Variants in CCDC148 observed in about 807,000 individuals in gnomAD.
The protein encoded by CCDC148 is coiled-coil domain-containing protein 148.
CCDC148 carries 89 observed loss-of-function variants against 85.7 expected under a neutral mutation model. That is an observed-to-expected ratio of 1.04 (90% CI 0.87 to 1.24). CCDC148 has a LOEUF of 1.24. CCDC148 is among the 50% of genes most tolerant of loss of function. The pLI is 0.00. For missense variants in CCDC148, 692 were observed against 671.7 expected, an observed-to-expected ratio of 1.03 and a Z score of -0.33; for synonymous variants, 230 against 213.9, an observed-to-expected ratio of 1.08 and a Z score of -0.66.
chr2:158,339,690 G>C (rs1202137582), intron 5 of CCDC148, among the ~76,000 whole-genome samples: 1 of 152,006 alleles, frequency 6.6e-6, no homozygotes, highest in Non-Finnish European at 1.5e-5. Context: ...TCAGACAAGA[G>C]GACATTTGAG....
At chr2:158,452,560 A>G (rs1418222018) in intron 1 of CCDC148, among the ~76,000 whole-genome samples, 1 of 152,192 alleles carries the variant, frequency 6.6e-6, no homozygotes, top group Non-Finnish European at 1.5e-5. Context: ...TGGTCCCTTC[A>G]ATAGGAACCC....
chr2:158,399,647 G>T (rs370611570), intron 1 of CCDC148, among the ~76,000 whole-genome samples: 1 of 152,188 alleles, frequency 6.6e-6, no homozygotes, highest in East Asian at 1.9e-4. Flanking sequence ...AGCTATTTAT[G>T]ACAAACCCAC....
chr2:158,255,624 G>T (rs574189870), intron 9 of CCDC148, among the ~76,000 whole-genome samples: 1 of 151,870 alleles, frequency 6.6e-6, no homozygotes, highest in South Asian at 2.1e-4. Context: ...CTAAAGCACA[G>T]AAGACTCTGA....
chr2:158,437,946 T>G (rs562344279), intron 1 of CCDC148, among the ~76,000 whole-genome samples: 2 of 152,126 alleles, frequency 1.3e-5, no homozygotes, highest in Admixed American at 6.5e-5. Flanking sequence ...CAAGGAGAAC[T>G]ACAAACCACT....
Position 158,456,728 on chromosome 2 carries a change from T to G in CCDC148, c.-289A>C, listed in dbSNP as rs1302507034. On this transcript the variant is annotated 5_prime_UTR_variant, in exon 1 of 14. Coordinates refer to ENST00000283233, the MANE Select transcript of CCDC148 (RefSeq NM_138803.4). ...TCACACCCACCCTCTCCAGGCCCTC[T>G]CGCGCTGAACAGCATCGGTCTCTAT... 2.1e-6 allele frequency: 1 copy of G among 473,446 alleles called. No individual in the cohort carries two copies. Among genetic ancestry groups the G allele is most frequent in the East Asian group, 3.9e-5 (1 of 25,822 alleles). 29.3% of individuals were successfully genotyped at this position (473,446 alleles called of 1,614,324 possible). A position where few individuals can be genotyped will look rare whatever the true frequency, so the allele number is the denominator to read the frequency against.
intron 1 of CCDC148, among the ~76,000 whole-genome samples, chr2:158,433,094 A>ATATATATATATC (rs1553521589): frequency 2.5e-5 from 3 of 119,448 alleles, no homozygotes; most frequent in African/African-American, 9.1e-5. Flanking sequence ...AAAAAAAAAT[A>ATATATATATATC]TATATATATA....
At chr2:158,316,396 C>G (rs1692284332) in intron 7 of CCDC148, among the ~76,000 whole-genome samples, 1 of 152,172 alleles carries the variant, frequency 6.6e-6, no homozygotes, top group Non-Finnish European at 1.5e-5. Context: ...ACCACTTAAA[C>G]ATATGAAATG....
intron 10 of CCDC148, among the ~76,000 whole-genome samples, chr2:158,247,489 A>G (rs1688614214): frequency 6.6e-6 from 1 of 152,254 alleles, no homozygotes; most frequent in East Asian, 1.9e-4. Context: ...TACGAACAAA[A>G]CTTTGGAAAC....
chr2:158,204,236 G>A (rs1305508949), intron 11 of CCDC148, among the ~76,000 whole-genome samples: 1 of 152,166 alleles, frequency 6.6e-6, no homozygotes, highest in East Asian at 1.9e-4. Flanking sequence ...TACAAAATGA[G>A]CGTTAAGACT....
chr2:158,223,811 C>G lies in CCDC148; in HGVS notation c.1252-3098G>C, dbSNP rs1422334400. On this transcript the variant is annotated intron_variant, in intron 10 of 13. Transcript: ENST00000283233. ...ACAGAAAAGACATCCAAAGCAAAAC[C>G]CCATCTGTATGTCACCATCATCAAA... 4.6e-5 allele frequency among the ~76,000 whole-genome samples: 7 copies of G among 152,202 alleles called. No homozygotes were observed. In the East Asian group the frequency reaches 1.2e-3, roughly 25 times the overall value.
At chr2:158,456,358 G>T in intron 1 of CCDC148, 57 bp downstream of exon 1, 2 of 1,561,156 alleles carry the variant, frequency 1.3e-6, no homozygotes, top group Non-Finnish European at 1.8e-6. Flanking sequence ...GTAGGATTTA[G>T]GTGGCTCAGT....
intron 10 of CCDC148, among the ~76,000 whole-genome samples, chr2:158,223,762 G>C (rs10203269): frequency 0.15 from 22,839 of 152,224 alleles, 2,177 homozygotes; most frequent in Middle Eastern, 0.21. Context: ...TGAGGGTGCT[G>C]ACTGTTAGAA....
intron 2 of CCDC148, among the ~76,000 whole-genome samples, chr2:158,351,173 G>T (rs1007854996): frequency 1.3e-5 from 2 of 152,146 alleles, no homozygotes; most frequent in Non-Finnish European, 2.9e-5. Context: ...GATAAACACT[G>T]ACTCCTCTCC....
At chr2:158,223,069 C>G (rs150623975) in intron 10 of CCDC148, among the ~76,000 whole-genome samples, 332 of 152,186 alleles carry the variant, frequency 2.2e-3, no homozygotes, top group Non-Finnish European at 3.9e-3. Flanking sequence ...CTTTCCTAGT[C>G]AAAGAAAGGG....
intron 7 of CCDC148, among the ~76,000 whole-genome samples, chr2:158,333,253 T>C (rs1693242132): frequency 6.6e-6 from 1 of 152,210 alleles, no homozygotes; most frequent in Non-Finnish European, 1.5e-5. Flanking sequence ...AGAACTTATT[T>C]ATTTCTGCCT....
intron 2 of CCDC148, among the ~76,000 whole-genome samples, chr2:158,352,252 A>G (rs1683350948): frequency 2.0e-5 from 3 of 150,872 alleles, no homozygotes; most frequent in Admixed American, 2.0e-4. Context: ...CTGAGAGAAG[A>G]AGGCTTCAGA....
At chr2:158,267,363 A>G (rs1689512626) in intron 9 of CCDC148, among the ~76,000 whole-genome samples, 1 of 152,198 alleles carries the variant, frequency 6.6e-6, no homozygotes, top group African/African-American at 2.4e-5. Flanking sequence ...ATGCCTTCCC[A>G]GACCCAGGAC....
At chr2:158,404,701 A>G (rs1303206009) in intron 1 of CCDC148, among the ~76,000 whole-genome samples, 1 of 152,176 alleles carries the variant, frequency 6.6e-6, no homozygotes, top group Non-Finnish European at 1.5e-5. Flanking sequence ...AAAATATGAA[A>G]AAAATAGCTC....
At chr2:158,172,818 C>T (rs16842681) in intron 13 of CCDC148, among the ~76,000 whole-genome samples, 16,237 of 152,064 alleles carry the variant, frequency 0.11, 924 homozygotes, top group Middle Eastern at 0.13. Flanking sequence ...AGTAGTTCAA[C>T]TTCTGTTTTC....
Sources: gnomAD v4.1 joint callset for allele counts (sites outside exome capture counted in the v4.1 genomes callset) on GRCh38, gnomAD v4.1.1 for gene constraint, MANE v1.5 for transcripts, NCBI Gene and HGNC (gene_info 2026-07-23, HGNC 2026-07-21) for gene names.